ATG16L1: variants seen among roughly 807,000 people sequenced by gnomAD.
The protein encoded by ATG16L1 is autophagy related 16 like 1, also known as autophagy-related protein 16-1.
Under a neutral mutation model 88.5 loss-of-function variants are expected in ATG16L1, and 37 were observed. That is an observed-to-expected ratio of 0.42 (90% confidence interval 0.32 to 0.55). The LOEUF is 0.55. Ranked by LOEUF, ATG16L1 falls within the 20% of genes least tolerant of loss-of-function variation. The pLI is 0.13. For missense variants in ATG16L1, 554 were observed against 752.8 expected (o/e 0.74, Z 3.09); for synonymous variants, 301 against 281.0 (o/e 1.07, Z -0.71).
chr2:233,277,862 T>C (rs1280341407), intron 10 of ATG16L1, among the ~76,000 whole-genome samples, 189 bp downstream of exon 10: 1 of 152,240 alleles, frequency 6.6e-6, no homozygotes, highest in Non-Finnish European at 1.5e-5. Context: ...AGTTATTCTT[T>C]ACTTCCGAGT....
Position 233,264,057 on chromosome 2 carries a change from T to G in ATG16L1, c.381T>G (p.Asn127Lys). The G allele has an allele frequency of 6.2e-7, 1 of 1,614,022 alleles. No individual in the cohort carries two copies. Among genetic ancestry groups the G allele is most frequent in the Non-Finnish European group, 8.5e-7 (1 of 1,179,916 alleles). Residue 127 changes from asparagine (N) to lysine (K), a missense_variant, in exon 4 of 18, where the codon AAT becomes AAG. Physicochemically the swap from Asn to Lys is moderately conservative, Grantham distance 94. Transcript: ENST00000392017. ...MQRKDREMQMNEAKIAECLQT... is the reference protein window; with the variant it reads ...MQRKDREMQMKEAKIAECLQT... ...GGAAGGACAGGGAGATGCAGATGAATGAAGCAAAGTGAGTAGAGACCCCGC... is the reference window on the plus strand; with the variant it reads ...GGAAGGACAGGGAGATGCAGATGAAGGAAGCAAAGTGAGTAGAGACCCCGC...
Position 233,292,441 on chromosome 2 carries a change from A to T in ATG16L1, c.1628+7A>T. ...GGACCAGAGTTGTCTTCAGGTTAGT[A>T]GTGACCCACCCCCCGCCAATTTGGT... On this transcript the variant is annotated splice_region_variant and intron_variant, in intron 16 of 17. Coordinates refer to ENST00000392017, the MANE Select transcript of ATG16L1 (RefSeq NM_030803.7). 1.2e-6 allele frequency: 2 copies of T among 1,612,292 alleles called. No homozygotes were observed.
intron 12 of ATG16L1, 159 bp downstream of exon 12, chr2:233,282,912 A>G (rs1204044487): frequency 3.2e-6 from 2 of 622,946 alleles, no homozygotes; most frequent in Non-Finnish European, 5.7e-6. Flanking sequence ...CTGTGTTTCC[A>G]CTTTATACTC....
intron 10 of ATG16L1, 53 bp from the exon 11 acceptor site, chr2:233,281,052 A>G: frequency 8.2e-7 from 1 of 1,220,404 alleles, no homozygotes; most frequent in Non-Finnish European, 1.2e-6. Flanking sequence ...GTTTTAATGT[A>G]TTTATTGGCT....
rs756414843 is a variant in ATG16L1 at position 233,292,229 on chromosome 2, T to C, written c.1532T>C (p.Leu511Ser). 1.2e-6 allele frequency: 2 copies of C among 1,614,252 alleles called. No homozygotes were observed. Among genetic ancestry groups the C allele is most frequent in the African/African-American group, 2.7e-5 (2 of 75,070 alleles). The change falls in exon 15 of 18, where the codon TTG becomes TCG. Residue 511 changes from leucine (L) to serine (S), a missense_variant. By Grantham distance (145) the Leu-to-Ser change is moderately radical (BLOSUM62 -2). Around this residue, in one of 5 missense-constraint regions of ATG16L1, gnomAD observed 370 missense variants for 509.7 expected, o/e 0.73. Coordinates refer to ENST00000392017, the MANE Select transcript of ATG16L1 (RefSeq NM_030803.7). ...CTCCTGAGCTGCTCCCGTGATGACT[T>C]GCTAAAAGTTATTGATCTCCGAACA... ...TELLSCSRDDLLKVIDLRTNA... is the reference protein window; with the variant it reads ...TELLSCSRDDSLKVIDLRTNA...
At chr2:233,266,414 G>A (rs1158365781) in intron 5 of ATG16L1, among the ~76,000 whole-genome samples, 7 of 152,138 alleles carry the variant, frequency 4.6e-5, no homozygotes, top group African/African-American at 1.7e-4. Context: ...AGCCAAAGTT[G>A]TGCCACTGCA....
intron 2 of ATG16L1, 42 bp downstream of exon 2, chr2:233,256,237 G>C: frequency 1.3e-6 from 2 of 1,506,054 alleles, no homozygotes; most frequent in Middle Eastern, 3.5e-4. Flanking sequence ...CTCCTCTAAG[G>C]AAATTTATCT....
At chr2:233,284,144 T>C (rs1446336817) in intron 12 of ATG16L1, among the ~76,000 whole-genome samples, 1 of 110,660 alleles carries the variant, frequency 9.0e-6, no homozygotes, top group Non-Finnish European at 1.8e-5. Context: ...GTGCCCAGCC[T>C]AAATTTCTTT....
intron 1 of ATG16L1, among the ~76,000 whole-genome samples, chr2:233,253,363 G>T (rs1288852662): frequency 6.7e-5 from 2 of 29,724 alleles, no homozygotes; most frequent in Non-Finnish European, 1.8e-4. Flanking sequence ...TTTTTTTTTG[G>T]AGACAGAGTC....
chr2:233,268,811 C>T (rs7570490), intron 5 of ATG16L1, among the ~76,000 whole-genome samples: 2,009 of 152,300 alleles, frequency 0.013, 42 homozygotes, highest in African/African-American at 0.046. Flanking sequence ...AAGCTATACC[C>T]ACATCCCTTC....
intron 12 of ATG16L1, among the ~76,000 whole-genome samples, chr2:233,284,158 CTT>C (rs55671277): frequency 1.9e-4 from 27 of 144,396 alleles, no homozygotes; most frequent in Admixed American, 3.4e-4. Flanking sequence ...TTTCTTTTTT[CTT>C]TTTTTTTTTT....
intron 12 of ATG16L1, among the ~76,000 whole-genome samples, chr2:233,283,457 T>TAA (rs10634694): frequency 0.19 from 26,821 of 144,086 alleles, 2,747 homozygotes; most frequent in African/African-American, 0.29. Context: ...GGCATTTTAC[T>TAA]AAAAAAAAAA....
chr2:233,272,733 T>G (rs1559393372), intron 6 of ATG16L1, among the ~76,000 whole-genome samples: 1 of 152,242 alleles, frequency 6.6e-6, no homozygotes, highest in Non-Finnish European at 1.5e-5. Flanking sequence ...AAAAGCTCAC[T>G]TTTAAATTTA....
intron 10 of ATG16L1, among the ~76,000 whole-genome samples, chr2:233,278,492 C>G (rs994370698): frequency 3.9e-5 from 6 of 152,288 alleles, no homozygotes; most frequent in African/African-American, 1.4e-4. Flanking sequence ...TTCCCCTGAT[C>G]ATCACAACAG....
In ATG16L1 at chr2:233,265,160, C is replaced by G; in HGVS notation, c.641+17C>G. On this transcript the variant is annotated intron_variant, in intron 5 of 17. Transcript: ENST00000392017. The stretch of plus-strand genomic sequence containing the variant: ...AGACTCCAGGTGGGCTATCAATCCA[C>G]AGTTAGTGGTTTCCATCCTTAGTAG... The G allele has an allele frequency of 6.2e-7, 1 of 1,612,974 alleles. No individual in the cohort carries two copies.
chr2:233,274,680 C>T lies in ATG16L1; in HGVS notation c.856C>T (p.Arg286Cys), dbSNP rs755011254. The change falls in exon 9 of 18, where the codon CGC becomes TGC. Residue 286 changes from arginine to cysteine, a missense_variant. Physicochemically the swap from Arg to Cys is radical, Grantham distance 180. This residue lies in a region of ATG16L1 where 370 missense variants were observed against 509.7 expected (regional missense o/e 0.73). Transcript: ENST00000392017. ...LDSITNIFGR[R>C]SVSSFPVPQD... is the part of the protein sequence containing the mutation. Reference sequence around the variant, plus strand: ...TGTCTTTATGTTATTTCTTAGGAGACGCTCTGTCTCTTCCTTCCCAGTCCC... The same window carrying T: ...TGTCTTTATGTTATTTCTTAGGAGATGCTCTGTCTCTTCCTTCCCAGTCCC... 1.5e-5 allele frequency: 24 copies of T among 1,603,612 alleles called. No homozygotes were observed. Among genetic ancestry groups the T allele is most frequent in the East Asian group, 6.7e-5 (3 of 44,858 alleles).
intron 5 of ATG16L1, among the ~76,000 whole-genome samples, chr2:233,269,540 T>C (rs1289273337): frequency 6.6e-6 from 1 of 152,202 alleles, no homozygotes; most frequent in Non-Finnish European, 1.5e-5. Context: ...GTCCTCAAGA[T>C]TTATATCATG....
chr2:233,282,569 T>TA, intron 11 of ATG16L1, 113 bp from the exon 12 acceptor site: 1 of 906,382 alleles, frequency 1.1e-6, no homozygotes, highest in African/African-American at 1.6e-5. Flanking sequence ...GCTGGTTGTA[T>TA]AGGGTGAAGC....
rs1430809407 is a variant in ATG16L1 at position 233,281,122 on chromosome 2, G to T, written c.1078G>T (p.Gly360Cys). Residue 360 changes from glycine to cysteine, a missense_variant, in exon 11 of 18, where the codon GGT becomes TGT. Physicochemically the swap from Gly to Cys is radical, Grantham distance 159. This residue lies in a region of ATG16L1 where 370 missense variants were observed against 509.7 expected (regional missense o/e 0.73). Transcript: ENST00000392017. Reference protein sequence around the residue: ...EVFGEKCEFKGSLSGSNAGIT... With the variant: ...EVFGEKCEFKCSLSGSNAGIT... The stretch of plus-strand genomic sequence containing the variant: ...TTATACAGAAAAATGTGAGTTCAAG[G>T]GTTCCCTATCTGGCAGTAATGCAGG... 1 of 1,603,146 alleles carries T rather than the reference G, an allele frequency of 6.2e-7. No individual in the cohort carries two copies. Among genetic ancestry groups the T allele is most frequent in the South Asian group, 1.1e-5 (1 of 88,208 alleles).
Sources: allele counts gnomAD v4.1 joint callset (sites outside exome capture counted in the v4.1 genomes callset), GRCh38; gene constraint gnomAD v4.1.1; regional missense constraint gnomAD v4.1.1; transcripts MANE v1.5; gene names NCBI Gene and HGNC (gene_info 2026-07-23, HGNC 2026-07-21).